Variants in OVCH1 observed in about 807,000 individuals in gnomAD.
The protein encoded by OVCH1 is ovochymase-1.
Under a neutral mutation model 138.4 loss-of-function variants are expected in OVCH1, and 139 were observed. The ratio of observed to expected loss-of-function variants is 1.00; its 90% CI spans 0.87 to 1.16. The LOEUF (loss-of-function observed/expected upper bound fraction) is 1.16, where lower values mean the gene tolerates loss of function less well. Among genes scored for constraint, OVCH1 ranks in the 50% most tolerant of loss-of-function variants. The probability of loss-of-function intolerance (pLI) is 0.00; values close to 1 mark genes in which losing one functional copy is unlikely to be tolerated. For synonymous variants in OVCH1, 453 were observed against 467.8 expected (o/e 0.97, Z 0.41); for missense variants, 1,367 against 1,357.9 (o/e 1.01, Z -0.11).
downstream of OVCH1, among the ~76,000 whole-genome samples, chr12:29,411,808 G>A (rs1334956740): frequency 2.0e-5 from 3 of 151,794 alleles, no homozygotes; most frequent in South Asian, 4.2e-4. Context: ...CCAGCTGCAT[G>A]CTGGGAGAAC....
At chr12:29,455,393 C>T in exon 20 of OVCH1, 2 of 1,604,436 alleles carry the variant, frequency 1.2e-6, no homozygotes, top group South Asian at 2.3e-5. Context: ...ACTAGTGGCC[C>T]ACCAGAGTCT....
chr12:29,409,727 A>G (rs1348116921), downstream of OVCH1, among the ~76,000 whole-genome samples: 1 of 152,138 alleles, frequency 6.6e-6, no homozygotes, highest in Non-Finnish European at 1.5e-5. Flanking sequence ...TTTACTTCCA[A>G]TTATGTTGTC....
At chr12:29,455,485 C>T in intron 19 of OVCH1, 80 bp from the exon 20 acceptor site, 1 of 1,404,880 alleles carries the variant, frequency 7.1e-7, no homozygotes, top group Non-Finnish European at 9.6e-7. Context: ...CAAGAATGAC[C>T]AATAATGTAT....
chr12:29,489,740 C>T, exon 6 of OVCH1: 1 of 1,611,020 alleles, frequency 6.2e-7, no homozygotes, highest in Non-Finnish European at 8.5e-7. Context: ...TGGGAAGTTC[C>T]ATTTCTTGTA....
In OVCH1 at chr12:29,439,479, A is replaced by T. The variant is rs369119591; in HGVS notation, c.3158-45T>A. 2.0e-5 allele frequency: 29 copies of T among 1,457,692 alleles called. 1 individual carries two copies. In the African/African-American group the frequency reaches 3.6e-4, roughly 18 times the overall value. The allele number at this position is 1,457,692 out of a possible 1,614,324, so 90.3% of individuals were successfully genotyped here. ...ACAAACAAACAAACAAACAAAAAACAAAAAGCAAAAAACAAAAAACAAACT... is the reference window on the plus strand; with the variant it reads ...ACAAACAAACAAACAAACAAAAAACTAAAAGCAAAAAACAAAAAACAAACT... On this transcript the variant is annotated intron_variant, in intron 25 of 27. Transcript: ENST00000318184.
intron 8 of OVCH1, among the ~76,000 whole-genome samples, chr12:29,485,275 G>A (rs372302785): frequency 3.6e-5 from 5 of 140,834 alleles, no homozygotes; most frequent in African/African-American, 1.4e-4. Context: ...CAGAGTGCAT[G>A]CCACTGCACT....
intron 3 of OVCH1, among the ~76,000 whole-genome samples, chr12:29,413,428 C>G (rs1427453864): frequency 6.6e-6 from 1 of 152,200 alleles, no homozygotes; most frequent in Non-Finnish European, 1.5e-5. Flanking sequence ...AAATATAACT[C>G]TCTTCCTTCT....
intron 5 of OVCH1, among the ~76,000 whole-genome samples, chr12:29,490,321 C>CT (rs2136084306): frequency 6.6e-6 from 1 of 152,272 alleles, no homozygotes; most frequent in Non-Finnish European, 1.5e-5. Flanking sequence ...GGGCTCCCAT[C>CT]TTCCTGCCTT....
chr12:29,495,597 T>A, intron 3 of OVCH1, 140 bp from the exon 4 acceptor site: 1 of 732,006 alleles, frequency 1.4e-6, no homozygotes, highest in East Asian at 2.9e-5. Flanking sequence ...TATTATTGAG[T>A]ATTACCAATG....
chr12:29,409,414 G>T (rs1367197452), downstream of OVCH1, among the ~76,000 whole-genome samples: 1 of 151,790 alleles, frequency 6.6e-6, no homozygotes, highest in Non-Finnish European at 1.5e-5. Flanking sequence ...TGTCAATTTT[G>T]GATCTTTCCT....
intron 8 of OVCH1, among the ~76,000 whole-genome samples, chr12:29,482,691 C>G (rs1437088033): frequency 1.3e-5 from 2 of 152,208 alleles, no homozygotes; most frequent in African/African-American, 4.8e-5. Context: ...CAGTTCTGCT[C>G]AGTTCAAGAA....
intron 13 of OVCH1, among the ~76,000 whole-genome samples, chr12:29,475,718 C>G (rs1942683951): frequency 6.6e-6 from 1 of 152,238 alleles, no homozygotes; most frequent in South Asian, 2.1e-4. Context: ...GATACTAGGT[C>G]CTGAAAAAGT....
chr12:29,434,772 CTTA>C (rs1941329200), intron 26 of OVCH1, among the ~76,000 whole-genome samples: 1 of 151,832 alleles, frequency 6.6e-6, no homozygotes, highest in Non-Finnish European at 1.5e-5. Context: ...GTAAAAAATT[CTTA>C]TGTTTGAAAT....
intron 19 of OVCH1, among the ~76,000 whole-genome samples, chr12:29,459,067 G>C (rs1942045329): frequency 6.6e-6 from 1 of 152,012 alleles, no homozygotes; most frequent in Non-Finnish European, 1.5e-5. Context: ...CCACTATACA[G>C]AATAGTGTGG....
chr12:29,410,276 T>A (rs36164023), downstream of OVCH1, among the ~76,000 whole-genome samples: 2 of 140,274 alleles, frequency 1.4e-5, no homozygotes, highest in East Asian at 2.1e-4. Flanking sequence ...TTGCCAGTCT[T>A]TGTCTTTTAA....
At chr12:29,467,486 C>G (rs1161252097) in intron 16 of OVCH1, among the ~76,000 whole-genome samples, 3 of 152,090 alleles carry the variant, frequency 2.0e-5, no homozygotes, top group Non-Finnish European at 4.4e-5. Flanking sequence ...CTTTTCTTCC[C>G]CCTCTCCCAT....
In OVCH1 at chr12:29,477,466, C is replaced by A. The variant is rs771307877; in HGVS notation, c.1121G>T (p.Gly374Val). 4.3e-6 allele frequency: 7 copies of A among 1,613,804 alleles called. No individual in the cohort carries two copies. In the East Asian group the frequency reaches 1.6e-4, roughly 36 times the overall value. The change falls in exon 11 of 28, where the codon GGA (glycine) becomes GTA (valine). Residue 374 changes from glycine to valine, a missense_variant. Coordinates refer to ENST00000318184, the Ensembl canonical transcript of OVCH1. ...CAGCAATGGTGAAGGCAATATTTTT[C>A]CACAGACCTTACCTTAAAAGAAGAG...
the OVCH1 span, among the ~76,000 whole-genome samples, chr12:29,407,169 T>A: frequency 6.6e-6 from 1 of 150,628 alleles, no homozygotes; most frequent in Non-Finnish European, 1.5e-5. Flanking sequence ...TTTTTTCTTG[T>A]AAATTTGTTT....
chr12:29,482,291 A>G (rs1203984987), intron 8 of OVCH1, among the ~76,000 whole-genome samples: 6 of 152,128 alleles, frequency 3.9e-5, no homozygotes. Context: ...CTTCTGCCTT[A>G]ATGTTCCTTT....
Sources: allele counts gnomAD v4.1 joint callset (sites outside exome capture counted in the v4.1 genomes callset), GRCh38; gene constraint gnomAD v4.1.1; transcripts MANE v1.5; gene names NCBI Gene and HGNC (gene_info 2026-07-23, HGNC 2026-07-21).